The following TACR3 variants were observed in gnomAD, a reference collection of about 807,000 sequenced individuals.
TACR3 encodes tachykinin receptor 3.
Under a neutral mutation model 35.0 loss-of-function variants are expected in TACR3, and 34 were observed. The ratio of observed to expected loss-of-function variants is 0.97; its 90% CI spans 0.74 to 1.30. The LOEUF is 1.30. Ranked by LOEUF, TACR3 falls within the 50% of genes most tolerant of loss-of-function variation. The probability of loss-of-function intolerance (pLI) is 0.00; values close to 1 mark genes in which losing one functional copy is unlikely to be tolerated. For missense variants in TACR3, 558 were observed against 591.7 expected, an observed-to-expected ratio of 0.94 and a Z score of 0.59; for synonymous variants, 233 against 221.1, an observed-to-expected ratio of 1.05 and a Z score of -0.48.
chr4:103,609,906 C>A (rs1306484579), intron 3 of TACR3, among the ~76,000 whole-genome samples: 1 of 151,980 alleles, frequency 6.6e-6, no homozygotes, highest in African/African-American at 2.4e-5. Context: ...GTTGGCTTAA[C>A]ATAATGTCCT....
At chr4:103,710,754 T>C (rs1026862863) in intron 1 of TACR3, among the ~76,000 whole-genome samples, 2 of 151,478 alleles carry the variant, frequency 1.3e-5, no homozygotes, top group African/African-American at 2.4e-5. Flanking sequence ...GCAAGACTAA[T>C]AAAGAAGAAA....
At chr4:103,636,462 T>C (rs1398607240) in intron 3 of TACR3, among the ~76,000 whole-genome samples, 2 of 152,008 alleles carry the variant, frequency 1.3e-5, no homozygotes, top group Non-Finnish European at 2.9e-5. Context: ...AATGATGTTA[T>C]ACATTTTGGT....
intron 1 of TACR3, among the ~76,000 whole-genome samples, chr4:103,710,194 C>T (rs927941665): frequency 2.0e-5 from 3 of 152,204 alleles, no homozygotes; most frequent in Admixed American, 6.5e-5. Flanking sequence ...CGCAAATCAA[C>T]AGAATATACA....
In TACR3 at chr4:103,719,502, C is replaced by G. The variant is rs769742678; in HGVS notation, c.174G>C (p.Leu58=). 1.2e-6 allele frequency: 2 copies of G among 1,611,108 alleles called. No individual in the cohort carries two copies. Among genetic ancestry groups the G allele is most frequent in the Admixed American group, 3.3e-5 (2 of 59,970 alleles). The change falls in exon 1 of 5, where the codon CTG becomes CTC. Residue 58 remains leucine, a synonymous_variant. Transcript: ENST00000304883. ...AGNLSSSPSA[L]GLPVASPAPS... ...GCGCGGGGGAAGCCACAGGCAGTCC[C>G]AGCGCGGAAGGGGAGGAGGAGAGGT...
At chr4:103,602,290 A>AT (rs751782905) in intron 3 of TACR3, among the ~76,000 whole-genome samples, 7 of 151,562 alleles carry the variant, frequency 4.6e-5, no homozygotes, top group Non-Finnish European at 5.9e-5. Context: ...CATTTGTCTA[A>AT]TTTTTTTTCA....
At chr4:103,674,245 A>G (rs1015551089) in intron 1 of TACR3, among the ~76,000 whole-genome samples, 2 of 152,174 alleles carry the variant, frequency 1.3e-5, no homozygotes, top group African/African-American at 4.8e-5. Context: ...CACAGTTTCT[A>G]TGAGAAAAAT....
chr4:103,632,148 C>A (rs779480641), intron 3 of TACR3, among the ~76,000 whole-genome samples: 1 of 152,000 alleles, frequency 6.6e-6, no homozygotes, highest in Non-Finnish European at 1.5e-5. Context: ...GAAACATGGA[C>A]AACATTTAGA....
At chr4:103,630,803 C>G (rs1416754391) in intron 3 of TACR3, among the ~76,000 whole-genome samples, 2 of 152,114 alleles carry the variant, frequency 1.3e-5, no homozygotes, top group Non-Finnish European at 2.9e-5. Flanking sequence ...ACTAGAAAAA[C>G]CATTGACCCA....
chr4:103,698,912 A>G (rs1300653049), intron 1 of TACR3, among the ~76,000 whole-genome samples: 1 of 152,202 alleles, frequency 6.6e-6, no homozygotes, highest in Non-Finnish European at 1.5e-5. Context: ...TGTACCCCCC[A>G]TAAATATGTA....
chr4:103,718,925 G>C (rs1181486564), intron 1 of TACR3, among the ~76,000 whole-genome samples: 2 of 152,170 alleles, frequency 1.3e-5, no homozygotes, highest in East Asian at 3.9e-4. Flanking sequence ...TTTAGAGCTT[G>C]AGTGTTGGAG....
chr4:103,683,325 C>T (rs1358291710), intron 1 of TACR3, among the ~76,000 whole-genome samples: 1 of 150,310 alleles, frequency 6.7e-6, no homozygotes, highest in Non-Finnish European at 1.5e-5. Flanking sequence ...AAAATGCACC[C>T]AAAGCAAGAA....
chr4:103,601,132 T>C lies in TACR3; in HGVS notation c.889-9449A>G, dbSNP rs369039687. Among the ~76,000 whole-genome samples, 18 of 152,214 alleles carry C rather than the reference T, an allele frequency of 1.2e-4. 1 individual carries two copies. The East Asian group carries it at 2.1e-3, about 18-fold the overall frequency. On this transcript the variant is annotated intron_variant, in intron 3 of 4. Transcript: ENST00000304883. ...TCGCTAAGGACTTGCTTTATGAATCTGGGTGCTCCTGTATTGGGTGTATAT... is the reference window on the plus strand; with the variant it reads ...TCGCTAAGGACTTGCTTTATGAATCCGGGTGCTCCTGTATTGGGTGTATAT...
At chr4:103,699,874 G>A (rs560080303) in intron 1 of TACR3, among the ~76,000 whole-genome samples, 1 of 110,392 alleles carries the variant, frequency 9.1e-6, no homozygotes, top group East Asian at 5.9e-4. Context: ...CAGACACTCA[G>A]ATGGCGATGT....
intron 1 of TACR3, among the ~76,000 whole-genome samples, chr4:103,714,088 C>CTCT: frequency 6.6e-6 from 1 of 151,876 alleles, no homozygotes; most frequent in Non-Finnish European, 1.5e-5. Flanking sequence ...GCTTGTTAGA[C>CTCT]ATTTTTCTTT....
chr4:103,684,204 T>G lies in TACR3; in HGVS notation c.549-25801A>C, dbSNP rs373100089. The stretch of plus-strand genomic sequence containing the variant: ...CACTCTTACCACTTCTATTTAACAT[T>G]GTGCTAAAAGTGCAGTAAGTCATAA... On this transcript the variant is annotated intron_variant, in intron 1 of 4. Coordinates refer to ENST00000304883, the MANE Select transcript of TACR3 (RefSeq NM_001059.3). Among the ~76,000 whole-genome samples, 4 of 152,218 alleles carry G rather than the reference T, an allele frequency of 2.6e-5. No individual in the cohort carries two copies. In the East Asian group the frequency reaches 7.7e-4, roughly 29 times the overall value.
At chr4:103,656,849 A>T (rs1239384864) in intron 2 of TACR3, among the ~76,000 whole-genome samples, 1 of 152,120 alleles carries the variant, frequency 6.6e-6, no homozygotes, top group East Asian at 1.9e-4. Flanking sequence ...CTGAGCCATA[A>T]TTAATCCACA....
chr4:103,709,650 A>T (rs1021085440), intron 1 of TACR3, among the ~76,000 whole-genome samples: 2 of 152,228 alleles, frequency 1.3e-5, no homozygotes, highest in Non-Finnish European at 2.9e-5. Context: ...AAATTCGCAC[A>T]TAACAATATT....
intron 3 of TACR3, among the ~76,000 whole-genome samples, chr4:103,626,935 G>A (rs1724904653): frequency 6.6e-6 from 1 of 151,750 alleles, no homozygotes; most frequent in Non-Finnish European, 1.5e-5. Context: ...AGCACTTTGG[G>A]AGATTGAGGT....
chr4:103,707,374 T>G (rs1722818941), intron 1 of TACR3, among the ~76,000 whole-genome samples: 1 of 152,262 alleles, frequency 6.6e-6, no homozygotes, highest in African/African-American at 2.4e-5. Flanking sequence ...AAATTTACTT[T>G]GGCATGACTT....
Sources: gnomAD v4.1 joint callset for allele counts (sites outside exome capture counted in the v4.1 genomes callset) on GRCh38, gnomAD v4.1.1 for gene constraint, MANE v1.5 for transcripts, NCBI Gene and HGNC (gene_info 2026-07-23, HGNC 2026-07-21) for gene names.